Variants in NUGGC observed in about 807,000 individuals in gnomAD.
NUGGC encodes the protein nuclear GTPase SLIP-GC.
NUGGC carries 58 observed loss-of-function variants against 92.6 expected under a neutral mutation model. The observed-to-expected ratio is 0.63, with a 90% CI of 0.51 to 0.78. The LOEUF (loss-of-function observed/expected upper bound fraction) is 0.78, where lower values mean the gene tolerates loss of function less well. Among genes scored for constraint, NUGGC ranks in the 30% least tolerant of loss-of-function variants. The pLI is 0.00. For synonymous variants in NUGGC, 376 were observed against 366.4 expected (o/e 1.03, Z -0.30); for missense variants, 925 against 964.6 (o/e 0.96, Z 0.54).
chr8:28,081,305 C>T (rs529061931), intron 1 of NUGGC, among the ~76,000 whole-genome samples: 15 of 150,970 alleles, frequency 9.9e-5, no homozygotes, highest in East Asian at 3.9e-4. Context: ...GGCAACAGAG[C>T]GAGACTCCAC....
intron 18 of NUGGC, 42 bp from the exon 19 acceptor site, chr8:28,023,504 T>C (rs759541839): frequency 1.1e-5 from 17 of 1,580,774 alleles, no homozygotes; most frequent in South Asian, 3.5e-5. Context: ...TTGGTGTCCG[T>C]TGCAGAAACG....
chr8:28,044,680 G>C (rs1045871772), intron 12 of NUGGC, among the ~76,000 whole-genome samples: 2 of 152,204 alleles, frequency 1.3e-5, no homozygotes, highest in Non-Finnish European at 2.9e-5. Flanking sequence ...ATTAGAGATA[G>C]CAGTTTGACT....
At chr8:28,078,674 T>C (rs1810778231) in intron 1 of NUGGC, among the ~76,000 whole-genome samples, 1 of 152,200 alleles carries the variant, frequency 6.6e-6, no homozygotes, top group African/African-American at 2.4e-5. Context: ...TCACCTGTCA[T>C]TGAAACTGAG....
At chr8:28,063,728 G>T (rs537022362) in intron 7 of NUGGC, among the ~76,000 whole-genome samples, 10 of 152,276 alleles carry the variant, frequency 6.6e-5, no homozygotes, top group Admixed American at 3.9e-4. Flanking sequence ...ACTGGAAGTC[G>T]TGGTTACCAA....
chr8:28,070,776 A>G (rs1212328573), intron 2 of NUGGC, among the ~76,000 whole-genome samples: 1 of 150,866 alleles, frequency 6.6e-6, no homozygotes, highest in Non-Finnish European at 1.5e-5. Flanking sequence ...TTGTAGAGAC[A>G]GTGTTTCTGT....
intron 8 of NUGGC, among the ~76,000 whole-genome samples, chr8:28,059,497 A>G (rs1056286466): frequency 2.6e-5 from 4 of 152,114 alleles, no homozygotes; most frequent in African/African-American, 7.2e-5. Context: ...CCGAAGTTCT[A>G]AAACTTTTGA....
At chr8:28,068,507 T>C (rs541157529) in intron 4 of NUGGC, 69 bp from the exon 5 acceptor site, 1 of 1,104,192 alleles carries the variant, frequency 9.1e-7, no homozygotes, top group South Asian at 1.4e-5. Flanking sequence ...TGAAACAGAA[T>C]GCAAAGGAAC....
At chr8:28,045,953 A>G (rs1250687119) in intron 11 of NUGGC, among the ~76,000 whole-genome samples, 1 of 152,234 alleles carries the variant, frequency 6.6e-6, no homozygotes, top group African/African-American at 2.4e-5. Flanking sequence ...TTTCCTTTGA[A>G]CAGCTATCAC....
intron 1 of NUGGC, among the ~76,000 whole-genome samples, chr8:28,079,725 C>T (rs1182192938): frequency 1.3e-5 from 2 of 152,122 alleles, no homozygotes; most frequent in Admixed American, 6.5e-5. Context: ...TTAAACAAGC[C>T]CCCTGGAGCT....
At chr8:28,042,583 C>T (rs1809727518) in intron 12 of NUGGC, among the ~76,000 whole-genome samples, 1 of 152,198 alleles carries the variant, frequency 6.6e-6, no homozygotes, top group African/African-American at 2.4e-5. Context: ...TCCTGTGCTC[C>T]CACTGCACTT....
At chr8:28,038,367 A>C (rs1009710357) in intron 13 of NUGGC, among the ~76,000 whole-genome samples, 17 of 152,152 alleles carry the variant, frequency 1.1e-4, no homozygotes, top group Non-Finnish European at 1.5e-5. Context: ...AAAACAGTTG[A>C]TTTGTTATAC....
intron 13 of NUGGC, among the ~76,000 whole-genome samples, chr8:28,036,635 C>T (rs553274557): frequency 1.3e-5 from 2 of 152,192 alleles, no homozygotes; most frequent in South Asian, 4.1e-4. Flanking sequence ...AAGCAATTTG[C>T]TTTCTCTTGG....
intron 14 of NUGGC, among the ~76,000 whole-genome samples, chr8:28,032,385 T>C (rs79559731): frequency 0.018 from 2,767 of 152,192 alleles, 91 homozygotes; most frequent in African/African-American, 0.063. Context: ...GTGGCTGTAC[T>C]TGGGGACTGG....
chr8:28,024,661 T>C (rs974139383), intron 18 of NUGGC, among the ~76,000 whole-genome samples: 1 of 152,186 alleles, frequency 6.6e-6, no homozygotes, highest in African/African-American at 2.4e-5. Context: ...CGAGGGTGAC[T>C]CAGGTTAGTT....
At chr8:28,077,141 A>C (rs763269866) in intron 1 of NUGGC, among the ~76,000 whole-genome samples, 5 of 152,182 alleles carry the variant, frequency 3.3e-5, no homozygotes, top group Non-Finnish European at 7.3e-5. Context: ...CACAAGAGGC[A>C]CAAGCAATTT....
At chr8:28,036,705 C>T (rs914813990) in intron 13 of NUGGC, among the ~76,000 whole-genome samples, 8 of 152,208 alleles carry the variant, frequency 5.3e-5, no homozygotes, top group Admixed American at 3.3e-4. Context: ...CATGTCTGAA[C>T]TATTGATAAT....
At chr8:28,081,943 T>C (rs1465756838) in intron 1 of NUGGC, among the ~76,000 whole-genome samples, 1 of 151,860 alleles carries the variant, frequency 6.6e-6, no homozygotes, top group East Asian at 1.9e-4. Flanking sequence ...AGCTGAAGAA[T>C]GAAAGAAGGA....
At chr8:28,033,439 C>T in intron 14 of NUGGC, 101 bp downstream of exon 14, 1 of 1,133,566 alleles carries the variant, frequency 8.8e-7, no homozygotes, top group South Asian at 1.6e-5. Context: ...CAGTTACAAG[C>T]TACTCTTTAC....
intron 7 of NUGGC, 67 bp downstream of exon 7, chr8:28,064,455 C>G: frequency 1.5e-6 from 2 of 1,320,036 alleles, no homozygotes; most frequent in Non-Finnish European, 2.2e-6. Flanking sequence ...CCAGAGCATT[C>G]TTTGTTGCTT....
Sources: allele counts gnomAD v4.1 joint callset (sites outside exome capture counted in the v4.1 genomes callset), GRCh38; gene constraint gnomAD v4.1.1; transcripts MANE v1.5; gene names NCBI Gene and HGNC (gene_info 2026-07-23, HGNC 2026-07-21).